Variants in CCDC93 observed in about 807,000 individuals in gnomAD.
CCDC93 encodes the protein coiled-coil domain-containing protein 93.
CCDC93 carries 61 observed loss-of-function variants against 108.2 expected under a neutral mutation model. The ratio of observed to expected loss-of-function variants is 0.56; its 90% CI spans 0.46 to 0.70. CCDC93 has a LOEUF of 0.70. CCDC93 is among the 30% of genes least tolerant of loss of function. The pLI is 0.00. For synonymous variants in CCDC93, 276 were observed against 260.4 expected (o/e 1.06, Z -0.58); for missense variants, 685 against 764.2 (o/e 0.90, Z 1.22).
rs531531858 is a variant in CCDC93 at position 117,963,274 on chromosome 2, T to C, written c.889-4793A>G. 6.6e-5 allele frequency among the ~76,000 whole-genome samples: 10 copies of C among 152,308 alleles called. No individual in the cohort carries two copies. The South Asian group carries it at 2.1e-3, about 32-fold the overall frequency. ...CCTCCCAATGCACACACCATATACA[T>C]ACAAGCATGCCCATTCCTCCCTAAA... On this transcript the variant is annotated intron_variant, in intron 11 of 23. Coordinates refer to ENST00000376300, the MANE Select transcript of CCDC93 (RefSeq NM_019044.5).
In CCDC93 at chr2:117,980,866, C is replaced by G. The variant is rs545131825; in HGVS notation, c.621-2836G>C. Among the ~76,000 whole-genome samples the G allele has an allele frequency of 4.6e-5, 7 of 152,298 alleles. No individual in the cohort carries two copies. The South Asian group carries it at 1.5e-3, about 32-fold the overall frequency. Reference sequence around the variant, plus strand: ...CAGTTAATCACAATTCTTCCCTCTTCCCAGCCCTTGGCTACCACTGATCTA... The same window carrying G: ...CAGTTAATCACAATTCTTCCCTCTTGCCAGCCCTTGGCTACCACTGATCTA... On this transcript the variant is annotated intron_variant, in intron 7 of 23. Coordinates refer to ENST00000376300, the MANE Select transcript of CCDC93 (RefSeq NM_019044.5).
chr2:117,963,428 G>A (rs373513604), intron 11 of CCDC93, among the ~76,000 whole-genome samples: 36 of 152,320 alleles, frequency 2.4e-4, no homozygotes, highest in African/African-American at 8.7e-4. Context: ...TAGTTTGTAA[G>A]TGAACTTCTA....
chr2:117,933,614 T>C (rs1232279692), intron 22 of CCDC93, among the ~76,000 whole-genome samples: 2 of 152,148 alleles, frequency 1.3e-5, no homozygotes, highest in Non-Finnish European at 2.9e-5. Flanking sequence ...ACTCTGAACC[T>C]GCTGGTTCTG....
intron 13 of CCDC93, chr2:117,949,797 C>T: frequency 1.0e-6 from 1 of 985,326 alleles, no homozygotes; most frequent in Non-Finnish European, 1.2e-6. Context: ...GCCCTAAGAC[C>T]CCCAAACATC....
chr2:118,001,055 T>C (rs1043478678), intron 3 of CCDC93, 123 bp from the exon 4 acceptor site: 5 of 619,496 alleles, frequency 8.1e-6, no homozygotes, highest in African/African-American at 5.5e-5. Flanking sequence ...GTCCAGACCA[T>C]GACAAGTTTC....
At chr2:117,943,997 G>C in intron 18 of CCDC93, 27 bp downstream of exon 18, 3 of 1,486,638 alleles carry the variant, frequency 2.0e-6, no homozygotes, top group Admixed American at 3.8e-5. Context: ...AAGCATTTAT[G>C]CATATTTTTG....
chr2:118,008,526 T>G lies in CCDC93; in HGVS notation c.156+19A>C. The G allele has an allele frequency of 7.4e-7, 1 of 1,352,820 alleles. No individual in the cohort carries two copies. The highest frequency in any genetic ancestry group is 1.1e-6 in the Non-Finnish European group (1 of 948,764). 83.8% of individuals were successfully genotyped at this position (1,352,820 alleles called of 1,614,324 possible). ...TTCTGACAAAAGATAGTGTAATGGT[T>G]AGAAAGATTTCCCCTTACCTTGTCA... is the stretch of plus-strand genomic sequence containing the variant. On this transcript the variant is annotated intron_variant, in intron 2 of 23. Transcript: ENST00000376300.
At chr2:117,987,656 C>T (rs1680359964) in intron 6 of CCDC93, among the ~76,000 whole-genome samples, 1 of 152,174 alleles carries the variant, frequency 6.6e-6, no homozygotes, top group African/African-American at 2.4e-5. Flanking sequence ...TTGAAGGATG[C>T]TCCCAGGGTC....
chr2:117,972,573 T>C (rs1482654164), intron 11 of CCDC93, among the ~76,000 whole-genome samples: 2 of 151,046 alleles, frequency 1.3e-5, no homozygotes, highest in African/African-American at 4.9e-5. Flanking sequence ...ACGTGCTCCC[T>C]GTAGAAACAG....
intron 3 of CCDC93, among the ~76,000 whole-genome samples, chr2:118,004,599 A>G (rs1676813823): frequency 1.3e-5 from 2 of 152,252 alleles, no homozygotes; most frequent in Admixed American, 6.5e-5. Context: ...GGGGGGGAAC[A>G]CCAAACAGAA....
At chr2:117,936,387 T>C in intron 21 of CCDC93, 1 of 251,480 alleles carries the variant, frequency 4.0e-6, no homozygotes, top group East Asian at 7.3e-5. Context: ...TTTTAAAGCA[T>C]CTCTATGTGT....
In CCDC93 at chr2:118,014,014, T is replaced by G; in HGVS notation, c.-19A>C. 6.3e-7 allele frequency: 1 copy of G among 1,593,142 alleles called. No individual in the cohort carries two copies. The highest frequency in any genetic ancestry group is 8.5e-7 in the Non-Finnish European group (1 of 1,171,286). ...ACCCCATGATCCGACCGGGCTGTCG[T>G]AAGGCGAGAGCGAAGCCCGCCAAGC... is the stretch of plus-strand genomic sequence containing the variant. On this transcript the variant is annotated 5_prime_UTR_variant, in exon 1 of 24. Coordinates refer to ENST00000376300, the MANE Select transcript of CCDC93 (RefSeq NM_019044.5).
chr2:117,967,234 C>G (rs1222860453), intron 11 of CCDC93, among the ~76,000 whole-genome samples: 1 of 152,210 alleles, frequency 6.6e-6, no homozygotes, highest in Non-Finnish European at 1.5e-5. Context: ...CTCAAGTGAT[C>G]TGCCTGCCTC....
intron 3 of CCDC93, among the ~76,000 whole-genome samples, chr2:118,001,595 T>TAACACCTCGCCTCAGTCTTACTCC (rs1676689375): frequency 6.6e-6 from 1 of 151,424 alleles, no homozygotes; most frequent in South Asian, 2.1e-4. Context: ...GACCTTTCTC[T>TAACACCTCGCCTCAGTCTTACTCC]AACACCTCGC....
rs1157717383 is a variant in CCDC93 at position 117,977,978 on chromosome 2, T to C, written c.657+16A>G. On this transcript the variant is annotated intron_variant, in intron 8 of 23. Coordinates refer to ENST00000376300, the MANE Select transcript of CCDC93 (RefSeq NM_019044.5). ...ATCTCTCAAGTATTCTCTCTTACTA[T>C]CAATGTTTTTCTTACCTTCTCCATT... 6.2e-7 allele frequency: 1 copy of C among 1,610,982 alleles called. No individual in the cohort carries two copies. Among genetic ancestry groups the C allele is most frequent in the African/African-American group, 1.3e-5 (1 of 74,974 alleles).
At position 118,007,393 on chromosome 2, in the gene CCDC93, T is replaced by G. The variant is rs188014530; in HGVS notation, c.157-577A>C. 6.6e-5 allele frequency among the ~76,000 whole-genome samples: 10 copies of G among 152,306 alleles called. 1 individual carries two copies. The highest frequency in any genetic ancestry group is 2.2e-4 in the African/African-American group (9 of 41,570). ...TATTAGAAAAAAATAACAATAAGGC[T>G]GGGCGCGGTGGCTCACGCCTGTAAT... On this transcript the variant is annotated intron_variant, in intron 2 of 23. Coordinates refer to ENST00000376300, the MANE Select transcript of CCDC93 (RefSeq NM_019044.5).
At chr2:117,992,519 C>T (rs1011378353) in intron 6 of CCDC93, among the ~76,000 whole-genome samples, 4 of 152,134 alleles carry the variant, frequency 2.6e-5, no homozygotes, top group African/African-American at 4.8e-5. Flanking sequence ...GCTAGGATTA[C>T]GGGCATGAAC....
intron 7 of CCDC93, among the ~76,000 whole-genome samples, chr2:117,981,559 A>T (rs918854): frequency 0.41 from 61,701 of 152,036 alleles, 13,052 homozygotes; most frequent in Middle Eastern, 0.53. Context: ...TCACTTCTTC[A>T]TACCTTAGTC....
At chr2:118,001,921 T>C (rs1000771651) in intron 3 of CCDC93, among the ~76,000 whole-genome samples, 4 of 152,202 alleles carry the variant, frequency 2.6e-5, no homozygotes, top group African/African-American at 9.6e-5. Context: ...AAAGATACTA[T>C]TCAGTGGTGT....
Sources: allele counts gnomAD v4.1 joint callset (sites outside exome capture counted in the v4.1 genomes callset), GRCh38; gene constraint gnomAD v4.1.1; transcripts MANE v1.5; gene names NCBI Gene and HGNC (gene_info 2026-07-23, HGNC 2026-07-21).